LGR6: variants seen among roughly 807,000 people sequenced by gnomAD.
LGR6 encodes the protein leucine rich repeat containing G protein-coupled receptor 6, also known as leucine-rich repeat-containing G protein-coupled receptor 6.
A neutral mutation model predicts 69.4 loss-of-function variants in LGR6; 45 were observed. That is an observed-to-expected ratio of 0.65 (90% CI 0.51 to 0.83). The LOEUF (loss-of-function observed/expected upper bound fraction) is 0.83. Among genes scored for constraint, LGR6 ranks in the 40% least tolerant of loss-of-function variants. LGR6 has a pLI of 0.00. For missense variants in LGR6, 1,108 were observed against 1,246.7 expected, an observed-to-expected ratio of 0.89 and a Z score of 1.68; for synonymous variants, 538 against 555.0, an observed-to-expected ratio of 0.97 and a Z score of 0.43.
intron 9 of LGR6, among the ~76,000 whole-genome samples, chr1:202,301,556 T>C (rs1437501956): frequency 6.6e-6 from 1 of 152,244 alleles, no homozygotes; most frequent in Non-Finnish European, 1.5e-5. Context: ...CCAGAAATAA[T>C]TGGGAGTTTT....
intron 4 of LGR6, among the ~76,000 whole-genome samples, chr1:202,265,713 G>A (rs1664590883): frequency 6.6e-6 from 1 of 152,198 alleles, no homozygotes; most frequent in African/African-American, 2.4e-5. Flanking sequence ...CTGGTTAAGT[G>A]GGGTCCCTGT....
intron 4 of LGR6, among the ~76,000 whole-genome samples, chr1:202,238,082 TTTG>T (rs1040526932): frequency 3.9e-5 from 6 of 151,910 alleles, no homozygotes; most frequent in African/African-American, 1.2e-4. Flanking sequence ...GTTTTTTTGT[TTTG>T]TTTTGTTTTT....
intron 5 of LGR6, among the ~76,000 whole-genome samples, chr1:202,278,397 G>A (rs923567443): frequency 1.3e-5 from 2 of 152,116 alleles, no homozygotes; most frequent in African/African-American, 4.8e-5. Context: ...TATAAGTCAG[G>A]CCTGTTATAG....
intron 6 of LGR6, among the ~76,000 whole-genome samples, chr1:202,288,740 C>A (rs1028938111): frequency 2.0e-5 from 3 of 152,232 alleles, no homozygotes; most frequent in Non-Finnish European, 2.9e-5. Context: ...ACTGAACCCA[C>A]GAGGATGGTC....
chr1:202,243,296 T>C (rs1662367256), intron 4 of LGR6, among the ~76,000 whole-genome samples: 1 of 152,040 alleles, frequency 6.6e-6, no homozygotes, highest in South Asian at 2.1e-4. Flanking sequence ...CTAGGTATTC[T>C]AGAGTTAAGG....
chr1:202,286,445 T>C (rs1232787133), intron 6 of LGR6, among the ~76,000 whole-genome samples: 1 of 152,186 alleles, frequency 6.6e-6, no homozygotes, highest in Non-Finnish European at 1.5e-5. Context: ...CAATCACTTG[T>C]TGAGAAAGAC....
chr1:202,286,660 C>T (rs1666413889), intron 6 of LGR6, among the ~76,000 whole-genome samples: 1 of 152,166 alleles, frequency 6.6e-6, no homozygotes, highest in Non-Finnish European at 1.5e-5. Context: ...TCTTAATCAT[C>T]TTACATTTGT....
intron 4 of LGR6, among the ~76,000 whole-genome samples, chr1:202,261,216 A>C (rs955397431): frequency 6.7e-6 from 1 of 150,272 alleles, no homozygotes; most frequent in African/African-American, 2.4e-5. Context: ...TATATCTCCT[A>C]ATGCTAACTC....
chr1:202,276,307 C>G lies in LGR6; in HGVS notation c.430C>G (p.Arg144Gly), dbSNP rs775637496. The part of the protein sequence containing the change: ...LWELPSLQSL[R>G]LDANLISLVP... ...CCTCTCCATCCTCTCTTCCACCAGGCGCCTAGATGCCAACCTCATCTCCCT... is the reference window on the plus strand; with the variant it reads ...CCTCTCCATCCTCTCTTCCACCAGGGGCCTAGATGCCAACCTCATCTCCCT... Residue 144 changes from arginine (R) to glycine (G), a missense_variant and splice_region_variant, in exon 5 of 18, where the codon CGC becomes GGC. Arg to Gly is a moderately radical substitution (Grantham distance 125). Coordinates refer to ENST00000367278, the MANE Select transcript of LGR6 (RefSeq NM_001017403.2). 1.9e-6 allele frequency: 3 copies of G among 1,612,570 alleles called. No homozygotes were observed. The African/African-American group carries it at 4.0e-5, about 22-fold the overall frequency.
At chr1:202,314,715 A>T in intron 16 of LGR6, 87 bp from the exon 17 acceptor site, 1 of 894,218 alleles carries the variant, frequency 1.1e-6, no homozygotes, top group South Asian at 1.3e-5. Flanking sequence ...AGTAAGGGAC[A>T]TCTTAAAGGA....
At chr1:202,258,458 T>G (rs1663961612) in intron 4 of LGR6, among the ~76,000 whole-genome samples, 1 of 152,050 alleles carries the variant, frequency 6.6e-6, no homozygotes, top group Admixed American at 6.5e-5. Context: ...TTTCTCTTAA[T>G]TCAAAACATC....
chr1:202,307,250 T>C (rs1653306736), intron 13 of LGR6, 80 bp from the exon 14 acceptor site: 2 of 1,356,860 alleles, frequency 1.5e-6, no homozygotes, highest in Admixed American at 3.4e-5. Context: ...GATGGGGGTA[T>C]GTGAGGGGGA....
chr1:202,263,838 A>G (rs536772610), intron 4 of LGR6, among the ~76,000 whole-genome samples: 2 of 152,222 alleles, frequency 1.3e-5, no homozygotes, highest in Non-Finnish European at 2.9e-5. Context: ...ACATTTGCAT[A>G]TGAAATAGAG....
At chr1:202,236,015 C>T in intron 4 of LGR6, 22 bp downstream of exon 4, 3 of 1,605,838 alleles carry the variant, frequency 1.9e-6, no homozygotes, top group Non-Finnish European at 2.6e-6. Flanking sequence ...GAGGGCTGGT[C>T]TGGGAGTCAC....
intron 2 of LGR6, among the ~76,000 whole-genome samples, chr1:202,226,082 C>G (rs1459185476): frequency 6.6e-6 from 1 of 152,194 alleles, no homozygotes; most frequent in African/African-American, 2.4e-5. Flanking sequence ...ACAAAGTACT[C>G]CCTGGTGAAT....
intron 4 of LGR6, among the ~76,000 whole-genome samples, chr1:202,238,412 C>CTTTT (rs60376943): frequency 3.6e-5 from 3 of 83,982 alleles, no homozygotes; most frequent in Non-Finnish European, 6.5e-5. Context: ...CAGCCTGATC[C>CTTTT]TTTTTTTTTT....
chr1:202,236,585 G>GC (rs1661579084), intron 4 of LGR6, among the ~76,000 whole-genome samples: 1 of 152,200 alleles, frequency 6.6e-6, no homozygotes, highest in African/African-American at 2.4e-5. Flanking sequence ...GGGAGCAGGT[G>GC]CTCCAGGGTG....
intron 4 of LGR6, among the ~76,000 whole-genome samples, chr1:202,252,177 C>T (rs1210694705): frequency 6.6e-6 from 1 of 152,150 alleles, no homozygotes; most frequent in Non-Finnish European, 1.5e-5. Context: ...CTATACCCTG[C>T]TCTCTACTCC....
chr1:202,214,453 C>G (rs978343055), intron 1 of LGR6, among the ~76,000 whole-genome samples: 2 of 151,592 alleles, frequency 1.3e-5, no homozygotes, highest in Non-Finnish European at 2.9e-5. Flanking sequence ...GGGGCACGGC[C>G]AGGCGGGCTG....
Sources: allele counts gnomAD v4.1 joint callset (sites outside exome capture counted in the v4.1 genomes callset), GRCh38; gene constraint gnomAD v4.1.1; transcripts MANE v1.5; gene names NCBI Gene and HGNC (gene_info 2026-07-23, HGNC 2026-07-21).